Variants in SLC6A20 observed in about 807,000 individuals in gnomAD.
SLC6A20 encodes sodium- and chloride-dependent transporter XTRP3.
A neutral mutation model predicts 64.3 loss-of-function variants in SLC6A20; 73 were observed. The observed-to-expected ratio is 1.14, with a 90% CI of 0.94 to 1.38. SLC6A20 has a LOEUF of 1.38. Among genes scored for constraint, SLC6A20 ranks in the 40% most tolerant of loss-of-function variants. SLC6A20 has a pLI of 0.00. For synonymous variants in SLC6A20, 347 were observed against 329.6 expected (o/e 1.05, Z -0.57); for missense variants, 725 against 772.8 (o/e 0.94, Z 0.73).
intron 3 of SLC6A20, 90 bp from the exon 4 acceptor site, chr3:45,776,078 C>G: frequency 5.5e-6 from 7 of 1,270,586 alleles, no homozygotes; most frequent in Non-Finnish European, 6.8e-6. Flanking sequence ...TGAGCGGAGA[C>G]TCTTGGAAGA....
At position 45,775,749 on chromosome 3, in the gene SLC6A20, T is replaced by C; in HGVS notation, c.582+12A>G. On this transcript the variant is annotated intron_variant, in intron 4 of 10. Transcript: ENST00000358525. ...ACCAGGAGCACCGGGCTTCTGTGCCTCACTGTCCCACCTTGCCAGTGGACT... is the reference window on the plus strand; with the variant it reads ...ACCAGGAGCACCGGGCTTCTGTGCCCCACTGTCCCACCTTGCCAGTGGACT... 6.2e-7 allele frequency: 1 copy of C among 1,610,904 alleles called. No homozygotes were observed. Among genetic ancestry groups the C allele is most frequent in the South Asian group, 1.1e-5 (1 of 90,950 alleles).
intron 1 of SLC6A20, among the ~76,000 whole-genome samples, chr3:45,796,034 G>T (rs553076438): frequency 6.6e-6 from 1 of 152,322 alleles, no homozygotes; most frequent in African/African-American, 2.4e-5. Flanking sequence ...CCGCAGCCTG[G>T]CCAACAAGGG....
At chr3:45,770,631 A>G (rs1472436072) in intron 6 of SLC6A20, among the ~76,000 whole-genome samples, 2 of 152,200 alleles carry the variant, frequency 1.3e-5, no homozygotes, top group African/African-American at 4.8e-5. Context: ...TGTGCTGATG[A>G]AAATGCTCTC....
At chr3:45,776,053 T>G (rs921836599) in intron 3 of SLC6A20, 65 bp from the exon 4 acceptor site, 3 of 1,494,356 alleles carry the variant, frequency 2.0e-6, no homozygotes, top group East Asian at 4.5e-5. Flanking sequence ...GTGGCAGGGG[T>G]GAGGGAGGTG....
chr3:45,761,987 GCA>G (rs1374378616), intron 9 of SLC6A20, among the ~76,000 whole-genome samples: 6 of 152,170 alleles, frequency 3.9e-5, no homozygotes, highest in Non-Finnish European at 5.9e-5. Flanking sequence ...CCCTGAACCA[GCA>G]CAGAGGATCA....
At chr3:45,771,606 T>G in intron 5 of SLC6A20, 148 bp from the exon 6 acceptor site, 1 of 1,270,628 alleles carries the variant, frequency 7.9e-7, no homozygotes, top group Non-Finnish European at 1.1e-6. Flanking sequence ...AGACCAGCTC[T>G]CCTGGCCCCA....
At position 45,782,653 on chromosome 3, in the gene SLC6A20, A is replaced by ATCCG. The variant is rs1700115841; in HGVS notation, c.122-431_122-430insCGGA. Among the ~76,000 whole-genome samples, 3 of 149,354 alleles carry ATCCG rather than the reference A, an allele frequency of 2.0e-5. No individual in the cohort carries two copies. The South Asian group carries it at 6.5e-4, about 32-fold the overall frequency. ...CATCCATCCATCCATCCATCCATCCATCCATCCAACCATCCATCCATCCTT... is the reference window on the plus strand; with the variant it reads ...CATCCATCCATCCATCCATCCATCCATCCGTCCATCCAACCATCCATCCATCCTT... On this transcript the variant is annotated intron_variant, in intron 1 of 10. Coordinates refer to ENST00000358525, the MANE Select transcript of SLC6A20 (RefSeq NM_020208.4).
At chr3:45,779,370 C>G (rs1441655110) in intron 3 of SLC6A20, among the ~76,000 whole-genome samples, 1 of 152,240 alleles carries the variant, frequency 6.6e-6, no homozygotes, top group African/African-American at 2.4e-5. Context: ...AATTGGAGTT[C>G]TTGCTTCTCT....
At chr3:45,778,928 G>A (rs542883627) in intron 3 of SLC6A20, among the ~76,000 whole-genome samples, 1 of 152,318 alleles carries the variant, frequency 6.6e-6, no homozygotes, top group South Asian at 2.1e-4. Flanking sequence ...TACGTGCAAT[G>A]GGGCAAGCTT....
At chr3:45,793,455 A>G (rs941780171) in intron 1 of SLC6A20, among the ~76,000 whole-genome samples, 9 of 152,190 alleles carry the variant, frequency 5.9e-5, no homozygotes, top group Admixed American at 1.3e-4. Flanking sequence ...CTTTTTCAAA[A>G]AGAGATTTTG....
intron 1 of SLC6A20, among the ~76,000 whole-genome samples, chr3:45,784,211 C>G (rs953031745): frequency 6.6e-5 from 10 of 152,288 alleles, no homozygotes; most frequent in Admixed American, 1.3e-4. Flanking sequence ...TCACTCCTGA[C>G]CCAACCTATC....
At chr3:45,771,604 T>A in intron 5 of SLC6A20, 146 bp from the exon 6 acceptor site, 1 of 1,272,102 alleles carries the variant, frequency 7.9e-7, no homozygotes, top group Non-Finnish European at 1.1e-6. Flanking sequence ...GGAGACCAGC[T>A]CTCCTGGCCC....
At chr3:45,796,081 G>A (rs535447159) in intron 1 of SLC6A20, among the ~76,000 whole-genome samples, 14 of 152,300 alleles carry the variant, frequency 9.2e-5, no homozygotes, top group East Asian at 7.7e-4. Context: ...GGGATGGGGC[G>A]AGGGGTTCCC....
chr3:45,779,085 A>G (rs1700025825), intron 3 of SLC6A20, among the ~76,000 whole-genome samples: 1 of 152,224 alleles, frequency 6.6e-6, no homozygotes, highest in Non-Finnish European at 1.5e-5. Flanking sequence ...AGTCCATGCC[A>G]GCCCTATCTT....
chr3:45,773,595 T>G (rs1311579095), intron 4 of SLC6A20, among the ~76,000 whole-genome samples: 1 of 152,222 alleles, frequency 6.6e-6, no homozygotes, highest in Non-Finnish European at 1.5e-5. Flanking sequence ...AATAAATATT[T>G]TGCAAGATTG....
In SLC6A20 at chr3:45,765,884, A is replaced by G; in HGVS notation, c.1099-143T>C. The G allele has an allele frequency of 1.2e-6, 1 of 809,634 alleles. No homozygotes were observed. The highest frequency in any genetic ancestry group is 1.9e-6 in the Non-Finnish European group (1 of 514,530). 50.2% of individuals were successfully genotyped at this position (809,634 alleles called of 1,614,324 possible). ...GGTTGGAGCTTCCATCTGCAGATCAACCCCTTACACTCAGCTGGGCTGAAA... is the reference window on the plus strand; with the variant it reads ...GGTTGGAGCTTCCATCTGCAGATCAGCCCCTTACACTCAGCTGGGCTGAAA... On this transcript the variant is annotated intron_variant, in intron 7 of 10. Coordinates refer to ENST00000358525, the MANE Select transcript of SLC6A20 (RefSeq NM_020208.4). The surrounding 1 kb of genome is among the most constrained non-coding windows in gnomAD (Gnocchi z 4.2).
intron 1 of SLC6A20, among the ~76,000 whole-genome samples, chr3:45,788,146 A>G (rs1243545200): frequency 6.6e-6 from 1 of 151,330 alleles, no homozygotes; most frequent in African/African-American, 2.4e-5. Context: ...GGGTCTCACT[A>G]TGTTGCCTAA....
In SLC6A20 at chr3:45,759,999, A is replaced by G. The variant is rs1474431852; in HGVS notation, c.1487T>C (p.Met496Thr). 8 of 1,613,216 alleles carry G rather than the reference A, an allele frequency of 5.0e-6. No individual in the cohort carries two copies. The highest frequency in any genetic ancestry group is 6.8e-6 in the Non-Finnish European group (8 of 1,179,776). Residue 496 changes from methionine to threonine, a missense_variant, in exon 10 of 11, where the codon ATG (methionine) becomes ACG (threonine). Met to Thr is a moderately conservative substitution (Grantham distance 81). Coordinates refer to ENST00000358525, the MANE Select transcript of SLC6A20 (RefSeq NM_020208.4). ...LRRFESDLKA[M>T]TGRAVSWYWK... ...GTACCAGCTCACAGCTCGGCCGGTC[A>G]TGGCCTTAAGGTCACTTTCAAATCT... is the stretch of plus-strand genomic sequence containing the variant.
chr3:45,770,107 T>C, intron 7 of SLC6A20, 102 bp downstream of exon 7: 1 of 1,483,784 alleles, frequency 6.7e-7, no homozygotes, highest in Admixed American at 2.0e-5. Context: ...GGATCCTTCT[T>C]TATTTTTACA....
Sources: gnomAD v4.1 joint callset for allele counts (sites outside exome capture counted in the v4.1 genomes callset) on GRCh38, gnomAD v4.1.1 for gene constraint, Gnocchi (gnomAD v3.1) non-coding constraint, MANE v1.5 for transcripts, NCBI Gene and HGNC (gene_info 2026-07-23, HGNC 2026-07-21) for gene names.